Variants in CDC27 observed in about 807,000 individuals in gnomAD.
CDC27 encodes cell division cycle 27.
Under a neutral mutation model 109.7 loss-of-function variants are expected in CDC27, and 27 were observed. The observed-to-expected ratio is 0.25, with a 90% CI of 0.18 to 0.34. The LOEUF is 0.34. Among genes scored for constraint, CDC27 ranks in the 10% least tolerant of loss-of-function variants. CDC27 has a pLI of 1.00. For synonymous variants in CDC27, 266 were observed against 333.9 expected (o/e 0.80, Z 2.22); for missense variants, 579 against 960.2 (o/e 0.60, Z 5.25).
chr17:47,147,430 A>G (rs577101541), intron 9 of CDC27, among the ~76,000 whole-genome samples: 1 of 118,634 alleles, frequency 8.4e-6, no homozygotes. Flanking sequence ...CAAACAAACA[A>G]AAAAAAAAAC....
chr17:47,119,702 T>C lies in CDC27; in HGVS notation c.*1233A>G, dbSNP rs550261915. ...AATAATTATCATTTTATATGCATAA[T>C]TGAATTCTTAAAATTGTGGCCATTT... On this transcript the variant is annotated 3_prime_UTR_variant, in exon 19 of 19. Transcript: ENST00000066544. 20 of 152,236 alleles carry C rather than the reference T, an allele frequency of 1.3e-4. No individual in the cohort carries two copies. Among genetic ancestry groups the C allele is most frequent in the African/African-American group, 4.3e-4 (18 of 41,468 alleles). The allele number at this position is 152,236 out of a possible 1,614,324, so 9.4% of individuals were successfully genotyped here. A position where few individuals can be genotyped will look rare whatever the true frequency, so the allele number is the denominator to read the frequency against.
chr17:47,124,196 C>CACAT (rs926582301), intron 16 of CDC27, among the ~76,000 whole-genome samples: 10 of 151,612 alleles, frequency 6.6e-5, no homozygotes, highest in African/African-American at 2.4e-4. Context: ...CACACACACA[C>CACAT]ACACACACAC....
At chr17:47,178,961 C>T (rs186214185) in intron 2 of CDC27, among the ~76,000 whole-genome samples, 7 of 152,222 alleles carry the variant, frequency 4.6e-5, no homozygotes, top group African/African-American at 1.4e-4. Context: ...TGCCACTACA[C>T]CGGCTAATTT....
chr17:47,123,521 G>A (rs979692728), intron 17 of CDC27, among the ~76,000 whole-genome samples: 3 of 149,102 alleles, frequency 2.0e-5, no homozygotes, highest in Admixed American at 6.8e-5. Flanking sequence ...AGTGATTCTC[G>A]TGCCTCAGCC....
Position 47,157,224 on chromosome 17 carries a change from A to G in CDC27, c.630+6T>C, listed in dbSNP as rs201490378. On this transcript the variant is annotated splice_donor_region_variant and intron_variant, in intron 6 of 18. Coordinates refer to ENST00000066544, the MANE Select transcript of CDC27 (RefSeq NM_001256.6). ...TATTTTGAACACTAGAATATAAGAC[A>G]CTTACAATTGTGTCCTGGGGTGTTT... is the stretch of plus-strand genomic sequence containing the variant. The G allele has an allele frequency of 2.6e-5, 42 of 1,606,402 alleles. No individual in the cohort carries two copies. The East Asian group carries it at 9.1e-4, about 35-fold the overall frequency.
intron 14 of CDC27, among the ~76,000 whole-genome samples, 171 bp from the exon 15 acceptor site, chr17:47,132,545 A>G (rs1051743621): frequency 3.3e-5 from 5 of 151,800 alleles, no homozygotes; most frequent in African/African-American, 1.2e-4. Flanking sequence ...TCATTAAAGC[A>G]TTTTATTTAC....
At chr17:47,128,231 C>T (rs1347540090) in intron 16 of CDC27, among the ~76,000 whole-genome samples, 1 of 151,750 alleles carries the variant, frequency 6.6e-6, no homozygotes, top group Non-Finnish European at 1.5e-5. Flanking sequence ...GGGTTTCACC[C>T]TGTTGGCCAG....
chr17:47,183,780 G>A (rs1228827574), intron 1 of CDC27, among the ~76,000 whole-genome samples: 1 of 152,152 alleles, frequency 6.6e-6, no homozygotes, highest in Admixed American at 6.5e-5. Flanking sequence ...TCCATTATGT[G>A]CTTTTAAAGC....
intron 4 of CDC27, 50 bp downstream of exon 4, chr17:47,169,867 C>T: frequency 6.7e-7 from 1 of 1,489,514 alleles, no homozygotes; most frequent in Non-Finnish European, 9.0e-7. Context: ...AACTATAAAA[C>T]ATACTTGTAT....
At chr17:47,168,647 T>G (rs965282241) in intron 4 of CDC27, among the ~76,000 whole-genome samples, 8 of 152,180 alleles carry the variant, frequency 5.3e-5, no homozygotes, top group Admixed American at 2.6e-4. Flanking sequence ...TGAACTAAAT[T>G]TATTATTCTC....
chr17:47,138,895 A>C lies in CDC27; in HGVS notation c.1552-4T>G. ...CCTCTGAGAATATTCTTTCAGCCTG[A>C]AATAAAAAAAACTAGTAAGAGAAAA... On this transcript the variant is annotated splice_region_variant and splice_polypyrimidine_tract_variant and intron_variant, in intron 12 of 18. Transcript: ENST00000066544. 1 of 1,555,256 alleles carries C rather than the reference A, an allele frequency of 6.4e-7. No individual in the cohort carries two copies. The highest frequency in any genetic ancestry group is 2.1e-5 in the Admixed American group (1 of 47,308).
At chr17:47,151,702 T>C in intron 9 of CDC27, 104 bp downstream of exon 9, 3 of 819,622 alleles carry the variant, frequency 3.7e-6, no homozygotes, top group Non-Finnish European at 5.4e-6. Context: ...AAATTTACAG[T>C]AGTTATTCTA....
At chr17:47,172,623 T>C (rs938271295) in intron 2 of CDC27, among the ~76,000 whole-genome samples, 2 of 152,236 alleles carry the variant, frequency 1.3e-5, no homozygotes, top group African/African-American at 2.4e-5. Context: ...AACATTCAGT[T>C]GACAGACTAT....
intron 5 of CDC27, 131 bp downstream of exon 5, chr17:47,158,075 A>T: frequency 4.8e-6 from 2 of 418,494 alleles, no homozygotes; most frequent in Non-Finnish European, 8.6e-6. Flanking sequence ...CTTATTTTTT[A>T]TTCTCAATTT....
At chr17:47,166,768 AAT>A (rs376728637) in intron 4 of CDC27, among the ~76,000 whole-genome samples, 30 of 152,254 alleles carry the variant, frequency 2.0e-4, no homozygotes, top group African/African-American at 6.7e-4. Context: ...CATAGTTTTT[AAT>A]ATGTCATATT....
Position 47,189,222 on chromosome 17 carries a change from C to G in CDC27, c.-50G>C. 6.7e-7 allele frequency: 1 copy of G among 1,489,106 alleles called. No homozygotes were observed. The highest frequency in any genetic ancestry group is 9.4e-7 in the Non-Finnish European group (1 of 1,066,634). The allele number at this position is 1,489,106 out of a possible 1,614,324, so 92.2% of individuals were successfully genotyped here. A position where few individuals can be genotyped will look rare whatever the true frequency, so the allele number is the denominator to read the frequency against. ...GCAGTGCCTCAGGCCCCCCCTGTAG[C>G]GGCTCCGGCCCGGCCAGCCCCTGCT... On this transcript the variant is annotated 5_prime_UTR_variant, in exon 1 of 19. Transcript: ENST00000066544.
intron 4 of CDC27, among the ~76,000 whole-genome samples, chr17:47,169,023 G>A (rs536376805): frequency 5.0e-5 from 7 of 140,708 alleles, no homozygotes; most frequent in Admixed American, 4.5e-4. Flanking sequence ...ACAGGGTCTC[G>A]CTCTGTTACC....
intron 3 of CDC27, 98 bp from the exon 4 acceptor site, chr17:47,170,140 A>G (rs11570475): frequency 2.2e-6 from 2 of 897,960 alleles, no homozygotes; most frequent in Non-Finnish European, 3.2e-6. Flanking sequence ...CTATGGAGAC[A>G]CAAATTTTTT....
intron 7 of CDC27, 45 bp downstream of exon 7, chr17:47,156,868 T>C: frequency 1.6e-6 from 1 of 634,214 alleles, no homozygotes; most frequent in Non-Finnish European, 2.7e-6. Context: ...TATCATAAGA[T>C]CATTTGGTAT....
Sources: gnomAD v4.1 joint callset for allele counts (sites outside exome capture counted in the v4.1 genomes callset) on GRCh38, gnomAD v4.1.1 for gene constraint, MANE v1.5 for transcripts, NCBI Gene and HGNC (gene_info 2026-07-23, HGNC 2026-07-21) for gene names.